Variants in ASCC3 observed in about 807,000 individuals in gnomAD.
ASCC3 encodes the protein activating signal cointegrator 1 complex subunit 3, also known as ASC-1 complex subunit P200.
ASCC3 carries 158 observed loss-of-function variants against 256.3 expected under a neutral mutation model. The observed-to-expected ratio is 0.62, with a 90% CI of 0.54 to 0.70. The LOEUF (loss-of-function observed/expected upper bound fraction) is 0.70. Ranked by LOEUF, ASCC3 falls within the 30% of genes least tolerant of loss-of-function variation. ASCC3 has a pLI of 0.00. For missense variants in ASCC3, 2,259 were observed against 2,626.0 expected, an observed-to-expected ratio of 0.86 and a Z score of 3.05; for synonymous variants, 948 against 883.4, an observed-to-expected ratio of 1.07 and a Z score of -1.30.
At chr6:100,791,243 T>G (rs1251999748) in intron 8 of ASCC3, among the ~76,000 whole-genome samples, 1 of 151,876 alleles carries the variant, frequency 6.6e-6, no homozygotes, top group Non-Finnish European at 1.5e-5. Flanking sequence ...CCCAATTACT[T>G]TCAAGAATAA....
chr6:100,706,296 G>T (rs536225966), intron 13 of ASCC3, among the ~76,000 whole-genome samples: 1 of 151,334 alleles, frequency 6.6e-6, no homozygotes, highest in African/African-American at 2.4e-5. Flanking sequence ...AAGACAGCTA[G>T]TGACTGGGAT....
chr6:100,627,579 C>A lies in ASCC3; in HGVS notation c.4642+11G>T. The A allele has an allele frequency of 1.2e-6, 2 of 1,613,076 alleles. No individual in the cohort carries two copies. Among genetic ancestry groups the A allele is most frequent in the South Asian group, 2.2e-5 (2 of 91,046 alleles). ...ATGGTTACTATTTTATTCCAAGAAT[C>A]TGAAGCTTACCCTGAAATGCAGGCT... On this transcript the variant is annotated intron_variant, in intron 29 of 41. Transcript: ENST00000369162.
At chr6:100,750,699 A>G (rs2115092830) in intron 10 of ASCC3, among the ~76,000 whole-genome samples, 1 of 152,148 alleles carries the variant, frequency 6.6e-6, no homozygotes, top group East Asian at 1.9e-4. Context: ...GTGGCACTGA[A>G]TACCTAGCAA....
intron 8 of ASCC3, among the ~76,000 whole-genome samples, chr6:100,782,332 T>C (rs1314030638): frequency 2.0e-5 from 3 of 152,222 alleles, no homozygotes; most frequent in Non-Finnish European, 4.4e-5. Flanking sequence ...GAAAATTTTG[T>C]TTTAATTGTG....
intron 37 of ASCC3, among the ~76,000 whole-genome samples, chr6:100,532,570 T>C (rs540629782): frequency 6.6e-6 from 1 of 151,898 alleles, no homozygotes; most frequent in African/African-American, 2.4e-5. Context: ...TGTTAGATGA[T>C]TATGGTCTTT....
chr6:100,741,696 T>C (rs536241345), intron 10 of ASCC3, among the ~76,000 whole-genome samples: 46 of 152,330 alleles, frequency 3.0e-4, no homozygotes, highest in African/African-American at 1.1e-3. Flanking sequence ...TGTGAGTGTA[T>C]TGTGAAGTTC....
intron 13 of ASCC3, among the ~76,000 whole-genome samples, chr6:100,687,276 TG>T (rs1222324886): frequency 1.3e-5 from 2 of 152,082 alleles, no homozygotes; most frequent in Non-Finnish European, 1.5e-5. Flanking sequence ...TGGTGGGGGA[TG>T]GGGGAAACAG....
chr6:100,639,370 A>G (rs1562189250), intron 24 of ASCC3, among the ~76,000 whole-genome samples: 1 of 152,208 alleles, frequency 6.6e-6, no homozygotes, highest in Non-Finnish European at 1.5e-5. Flanking sequence ...GAGAAAACCT[A>G]GAAAGAAACT....
At chr6:100,524,613 C>G (rs1478293769) in intron 37 of ASCC3, among the ~76,000 whole-genome samples, 1 of 151,902 alleles carries the variant, frequency 6.6e-6, no homozygotes, top group Non-Finnish European at 1.5e-5. Flanking sequence ...AGCTCTAAGG[C>G]TCATTATTTT....
chr6:100,661,738 T>A, intron 16 of ASCC3, 68 bp downstream of exon 16: 4 of 1,508,372 alleles, frequency 2.7e-6, no homozygotes, highest in Non-Finnish European at 3.7e-6. Context: ...ACCAACTCAA[T>A]CTTCATCTTT....
chr6:100,631,404 G>C (rs1317200947), intron 25 of ASCC3, among the ~76,000 whole-genome samples, 191 bp from the exon 26 acceptor site: 1 of 151,684 alleles, frequency 6.6e-6, no homozygotes, highest in Non-Finnish European at 1.5e-5. Flanking sequence ...CCCAAAATAA[G>C]ACAGAAATGT....
chr6:100,553,716 G>T (rs1241916946), intron 36 of ASCC3, among the ~76,000 whole-genome samples: 1 of 152,008 alleles, frequency 6.6e-6, no homozygotes, highest in Non-Finnish European at 1.5e-5. Flanking sequence ...AATAGAATAA[G>T]GAAACATCTT....
intron 33 of ASCC3, among the ~76,000 whole-genome samples, chr6:100,603,027 C>A (rs577389136): frequency 6.6e-6 from 1 of 152,132 alleles, no homozygotes; most frequent in South Asian, 2.1e-4. Flanking sequence ...TCTGAACAAT[C>A]ACTATGAACC....
chr6:100,584,050 A>C (rs1017019281), intron 36 of ASCC3, among the ~76,000 whole-genome samples: 3 of 151,860 alleles, frequency 2.0e-5, no homozygotes, highest in South Asian at 2.1e-4. Context: ...GTGCTGAAAA[A>C]AATGTATATT....
At chr6:100,630,948 T>G (rs1185242081) in intron 26 of ASCC3, among the ~76,000 whole-genome samples, 180 bp downstream of exon 26, 1 of 152,098 alleles carries the variant, frequency 6.6e-6, no homozygotes, top group East Asian at 1.9e-4. Context: ...TGATATCATT[T>G]TAATAGTAGG....
At chr6:100,511,900 T>A (rs566216350) in intron 40 of ASCC3, among the ~76,000 whole-genome samples, 1 of 152,148 alleles carries the variant, frequency 6.6e-6, no homozygotes. Context: ...ACAATACTTA[T>A]GAACTACAGC....
chr6:100,607,169 A>T lies in ASCC3; in HGVS notation c.4786-81T>A, dbSNP rs189901689. On this transcript the variant is annotated intron_variant, in intron 30 of 41. Coordinates refer to ENST00000369162, the MANE Select transcript of ASCC3 (RefSeq NM_006828.4). The stretch of plus-strand genomic sequence containing the variant: ...AATTTTTCATGTTTCAAAAAACATT[A>T]ATTTTGTCTTTATGTTATTATATGG... The T allele has an allele frequency of 3.3e-4, 480 of 1,444,956 alleles. 3 individuals are homozygous for T. The African/African-American group carries it at 6.3e-3, about 19-fold the overall frequency. The allele number at this position is 1,444,956 out of a possible 1,614,324, so 89.5% of individuals were successfully genotyped here. A position where few individuals can be genotyped will look rare whatever the true frequency, so the allele number is the denominator to read the frequency against.
At chr6:100,780,499 G>C (rs564590776) in intron 8 of ASCC3, among the ~76,000 whole-genome samples, 2 of 152,218 alleles carry the variant, frequency 1.3e-5, no homozygotes, top group East Asian at 3.9e-4. Context: ...CACAACTTGG[G>C]AGGCTAAAAT....
intron 36 of ASCC3, among the ~76,000 whole-genome samples, chr6:100,582,424 G>A (rs1338531753): frequency 6.6e-6 from 1 of 151,544 alleles, no homozygotes; most frequent in African/African-American, 2.4e-5. Context: ...TGTGATTTTT[G>A]TACATTGATT....
Sources: gnomAD v4.1 joint callset for allele counts (sites outside exome capture counted in the v4.1 genomes callset) on GRCh38, gnomAD v4.1.1 for gene constraint, MANE v1.5 for transcripts, NCBI Gene and HGNC (gene_info 2026-07-23, HGNC 2026-07-21) for gene names.